PRKN: variants seen among roughly 807,000 people sequenced by gnomAD.
PRKN encodes the protein E3 ubiquitin-protein ligase parkin.
In PRKN, 56 loss-of-function variants were observed where a neutral mutation model predicts 59.5. That is an observed-to-expected ratio of 0.94 (90% confidence interval 0.76 to 1.18). PRKN has a LOEUF of 1.18. Ranked by LOEUF, PRKN falls within the 50% of genes most tolerant of loss-of-function variation. The pLI is 0.00. For synonymous variants in PRKN, 250 were observed against 222.1 expected (o/e 1.13, Z -1.12); for missense variants, 657 against 596.4 (o/e 1.10, Z -1.06).
intron 2 of PRKN, among the ~76,000 whole-genome samples, chr6:162,267,911 C>A (rs147832349): frequency 1.7e-4 from 26 of 152,164 alleles, no homozygotes; most frequent in African/African-American, 6.3e-4. Flanking sequence ...GTTCCTTCAA[C>A]GGCACATAGT....
At chr6:161,900,275 C>T (rs773728994) in intron 6 of PRKN, among the ~76,000 whole-genome samples, 45 of 150,572 alleles carry the variant, frequency 3.0e-4, no homozygotes, top group African/African-American at 4.9e-4. Flanking sequence ...GAGATGTGAA[C>T]GTGTTGAAAT....
chr6:162,318,139 T>G (rs9458518), intron 2 of PRKN, among the ~76,000 whole-genome samples: 6 of 151,788 alleles, frequency 4.0e-5, no homozygotes, highest in African/African-American at 7.3e-5. Flanking sequence ...TTTGACTACT[T>G]GAGTATCTCA....
chr6:162,516,375 C>T (rs942971492), intron 1 of PRKN, among the ~76,000 whole-genome samples: 1 of 152,184 alleles, frequency 6.6e-6, no homozygotes, highest in Non-Finnish European at 1.5e-5. Flanking sequence ...AAGTCCCACC[C>T]ACTTCCACTG....
At chr6:162,507,442 T>A (rs541235653) in intron 1 of PRKN, among the ~76,000 whole-genome samples, 2 of 152,102 alleles carry the variant, frequency 1.3e-5, no homozygotes, top group Non-Finnish European at 2.9e-5. Flanking sequence ...ATTATATATA[T>A]ATACGCATAT....
intron 1 of PRKN, among the ~76,000 whole-genome samples, chr6:162,456,525 AAAG>A (rs1363470006): frequency 6.6e-6 from 1 of 152,148 alleles, no homozygotes; most frequent in Non-Finnish European, 1.5e-5. Context: ...TTTTTGTTGC[AAAG>A]ATATATTTTG....
chr6:162,161,633 C>T (rs12527289), intron 4 of PRKN, among the ~76,000 whole-genome samples: 10,363 of 152,098 alleles, frequency 0.068, 467 homozygotes, highest in Middle Eastern at 0.12. Flanking sequence ...ATTGTCTGCT[C>T]CTGACATTGA....
intron 7 of PRKN, among the ~76,000 whole-genome samples, chr6:161,713,145 CT>C (rs1786823147): frequency 6.6e-6 from 1 of 152,154 alleles, no homozygotes; most frequent in African/African-American, 2.4e-5. Context: ...CATGAAAACA[CT>C]TATATTTATT....
chr6:161,823,950 C>T (rs986892455), intron 6 of PRKN, among the ~76,000 whole-genome samples: 1 of 152,196 alleles, frequency 6.6e-6, no homozygotes, highest in Non-Finnish European at 1.5e-5. Flanking sequence ...TGGTAGAAAT[C>T]CCCCTGTGTC....
intron 7 of PRKN, among the ~76,000 whole-genome samples, chr6:161,671,577 C>T (rs930330509): frequency 3.9e-5 from 6 of 152,180 alleles, no homozygotes; most frequent in African/African-American, 1.4e-4. Context: ...AGTTCCTCCC[C>T]TGTTTGTAAT....
At chr6:161,838,220 T>C (rs549957672) in intron 6 of PRKN, among the ~76,000 whole-genome samples, 2 of 152,258 alleles carry the variant, frequency 1.3e-5, no homozygotes, top group Non-Finnish European at 2.9e-5. Context: ...CAATATTTAC[T>C]AGAAAATTAA....
chr6:161,727,143 G>A (rs1439479366), intron 7 of PRKN, among the ~76,000 whole-genome samples: 3 of 152,152 alleles, frequency 2.0e-5, no homozygotes, highest in Non-Finnish European at 4.4e-5. Flanking sequence ...TAACTCCCAG[G>A]GAGCTGCTGG....
At chr6:161,637,390 A>G (rs945331801) in intron 7 of PRKN, among the ~76,000 whole-genome samples, 18 of 152,142 alleles carry the variant, frequency 1.2e-4, no homozygotes, top group African/African-American at 4.3e-4. Context: ...CAAGAACAAA[A>G]TTGTGTAAGA....
chr6:162,588,214 T>G, intron 1 of PRKN, among the ~76,000 whole-genome samples: 1 of 151,992 alleles, frequency 6.6e-6, no homozygotes, highest in Non-Finnish European at 1.5e-5. Context: ...TTTCACCATG[T>G]TGGCCAGGCT....
At chr6:162,331,589 G>C (rs1372045461) in intron 2 of PRKN, among the ~76,000 whole-genome samples, 1 of 152,078 alleles carries the variant, frequency 6.6e-6, no homozygotes, top group Non-Finnish European at 1.5e-5. Context: ...ATGTGAGCTT[G>C]GTGGACACCA....
At chr6:162,180,291 C>A (rs558540375) in intron 4 of PRKN, among the ~76,000 whole-genome samples, 1 of 152,088 alleles carries the variant, frequency 6.6e-6, no homozygotes, top group Admixed American at 6.6e-5. Context: ...ACTTAAAGAG[C>A]GTAATTGCAT....
chr6:162,319,334 G>A (rs1018843957), intron 2 of PRKN, among the ~76,000 whole-genome samples: 13 of 151,958 alleles, frequency 8.6e-5, no homozygotes, highest in Non-Finnish European at 1.6e-4. Flanking sequence ...AAAGAAAGTT[G>A]AGAACTACTG....
intron 6 of PRKN, among the ~76,000 whole-genome samples, chr6:161,851,540 G>T (rs1261791571): frequency 6.6e-6 from 1 of 151,384 alleles, no homozygotes; most frequent in African/African-American, 2.4e-5. Flanking sequence ...GGAATGCAGT[G>T]GCGTGATCTC....
At chr6:161,692,726 G>C (rs1785848419) in intron 7 of PRKN, among the ~76,000 whole-genome samples, 1 of 152,100 alleles carries the variant, frequency 6.6e-6, no homozygotes, top group African/African-American at 2.4e-5. Flanking sequence ...CCAACATGTT[G>C]AAAGTGTGTC....
At chr6:161,595,320 A>G (rs960636678) in intron 7 of PRKN, among the ~76,000 whole-genome samples, 8 of 152,172 alleles carry the variant, frequency 5.3e-5, no homozygotes, top group Admixed American at 1.3e-4. Context: ...AGGAACCCAC[A>G]GTGTGGGGCG....
Sources: allele counts gnomAD v4.1 joint callset (sites outside exome capture counted in the v4.1 genomes callset), GRCh38; gene constraint gnomAD v4.1.1; transcripts MANE v1.5; gene names NCBI Gene and HGNC (gene_info 2026-07-23, HGNC 2026-07-21).